Variants in KCNIP4 observed in about 807,000 individuals in gnomAD.
KCNIP4 encodes potassium voltage-gated channel interacting protein 4.
A neutral mutation model predicts 34.0 loss-of-function variants in KCNIP4; 12 were observed. The ratio of observed to expected loss-of-function variants is 0.35; its 90% CI spans 0.23 to 0.57. KCNIP4 has a LOEUF of 0.57. KCNIP4 is among the 20% of genes least tolerant of loss of function. The pLI is 0.83. For synonymous variants in KCNIP4, 124 were observed against 102.2 expected (o/e 1.21, Z -1.29); for missense variants, 238 against 311.7 (o/e 0.76, Z 1.78).
At chr4:20,916,821 T>C (rs1435136606) in intron 1 of KCNIP4, among the ~76,000 whole-genome samples, 3 of 151,474 alleles carry the variant, frequency 2.0e-5, no homozygotes, top group African/African-American at 7.3e-5. Context: ...TAATAACCTG[T>C]GATATGATTA....
intron 1 of KCNIP4, among the ~76,000 whole-genome samples, chr4:21,275,315 C>A (rs997300630): frequency 3.3e-5 from 5 of 152,172 alleles, no homozygotes; most frequent in African/African-American, 1.2e-4. Context: ...AGGTCACACA[C>A]CTGGGCATCA....
chr4:21,367,573 G>A (rs1016100537), intron 1 of KCNIP4, among the ~76,000 whole-genome samples: 1 of 146,494 alleles, frequency 6.8e-6, no homozygotes, highest in Non-Finnish European at 1.5e-5. Flanking sequence ...TTTATATTGA[G>A]AAGAATTTTA....
intron 1 of KCNIP4, among the ~76,000 whole-genome samples, chr4:21,214,859 T>G (rs1281828996): frequency 6.6e-6 from 1 of 152,200 alleles, no homozygotes; most frequent in African/African-American, 2.4e-5. Flanking sequence ...TATCCTTTCT[T>G]GGGCTTCACA....
chr4:21,863,533 A>G (rs1231454907), intron 1 of KCNIP4, among the ~76,000 whole-genome samples: 1 of 152,134 alleles, frequency 6.6e-6, no homozygotes, highest in African/African-American at 2.4e-5. Flanking sequence ...GGGGGAAGGT[A>G]TTGCTTCTCT....
At chr4:20,951,002 T>C (rs1203673876) in intron 1 of KCNIP4, among the ~76,000 whole-genome samples, 2 of 152,136 alleles carry the variant, frequency 1.3e-5, no homozygotes, top group African/African-American at 4.8e-5. Flanking sequence ...TATTTGAAGA[T>C]GGAGTCTCTA....
chr4:21,901,128 T>C (rs1727681394), intron 1 of KCNIP4, among the ~76,000 whole-genome samples: 1 of 152,230 alleles, frequency 6.6e-6, no homozygotes, highest in Non-Finnish European at 1.5e-5. Context: ...AGCTGGAAAC[T>C]GCTTATGATA....
At chr4:20,935,853 C>A (rs1358617847) in intron 1 of KCNIP4, among the ~76,000 whole-genome samples, 1 of 151,588 alleles carries the variant, frequency 6.6e-6, no homozygotes, top group Admixed American at 6.6e-5. Flanking sequence ...CTATACTCAA[C>A]CAGCTTCTAC....
intron 1 of KCNIP4, among the ~76,000 whole-genome samples, chr4:21,424,242 A>C (rs1454146016): frequency 6.6e-6 from 1 of 152,078 alleles, no homozygotes; most frequent in Non-Finnish European, 1.5e-5. Flanking sequence ...TATCTGGACT[A>C]TCTGATCTTT....
intron 1 of KCNIP4, among the ~76,000 whole-genome samples, chr4:21,840,528 T>C (rs1005512811): frequency 9.9e-5 from 15 of 152,136 alleles, no homozygotes; most frequent in Non-Finnish European, 4.4e-5. Context: ...CACATCTGTG[T>C]TTTCTTCTGA....
At chr4:21,778,463 G>C (rs1246687061) in intron 1 of KCNIP4, among the ~76,000 whole-genome samples, 2 of 151,646 alleles carry the variant, frequency 1.3e-5, no homozygotes, top group Non-Finnish European at 2.9e-5. Flanking sequence ...TTGAACTCTT[G>C]GGTTGAACTC....
chr4:21,199,614 T>A (rs1756320889), intron 1 of KCNIP4, among the ~76,000 whole-genome samples: 1 of 152,244 alleles, frequency 6.6e-6, no homozygotes. Context: ...TGCCATTGCT[T>A]TTGGTGTTTT....
At chr4:21,205,973 C>T (rs911974892) in intron 1 of KCNIP4, among the ~76,000 whole-genome samples, 3 of 152,232 alleles carry the variant, frequency 2.0e-5, no homozygotes, top group Non-Finnish European at 4.4e-5. Context: ...CATTCAGGTT[C>T]TGCCTCTGTG....
At chr4:21,776,511 T>C (rs1719191192) in intron 1 of KCNIP4, among the ~76,000 whole-genome samples, 1 of 152,202 alleles carries the variant, frequency 6.6e-6, no homozygotes, top group Non-Finnish European at 1.5e-5. Context: ...CTGGCAACAC[T>C]GCAACCCACA....
intron 1 of KCNIP4, among the ~76,000 whole-genome samples, chr4:21,343,747 C>G (rs1373458753): frequency 6.6e-6 from 1 of 152,032 alleles, no homozygotes; most frequent in African/African-American, 2.4e-5. Context: ...TTTTAAAGGT[C>G]CCCTGTAGAT....
In KCNIP4 at chr4:20,729,310, T is replaced by C. The variant is rs1208458130; in HGVS notation, c.*772A>G. The stretch of plus-strand genomic sequence containing the variant: ...GTTTGATGCCTTCTTCAACTTCCAC[T>C]TAATGATTGATACTAATGATTGATA... On this transcript the variant is annotated 3_prime_UTR_variant, in exon 9 of 9. Transcript: ENST00000382152. 2.6e-5 allele frequency: 4 copies of C among 151,742 alleles called. No homozygotes were observed. Among genetic ancestry groups the C allele is most frequent in the African/African-American group, 9.7e-5 (4 of 41,382 alleles). 9.4% of individuals were successfully genotyped at this position (151,742 alleles called of 1,614,324 possible). A position where few individuals can be genotyped will look rare whatever the true frequency, so the allele number is the denominator to read the frequency against.
chr4:21,381,193 C>T (rs906776238), intron 1 of KCNIP4, among the ~76,000 whole-genome samples: 30 of 152,320 alleles, frequency 2.0e-4, no homozygotes, highest in Middle Eastern at 3.4e-3. Context: ...ACCCCACTGG[C>T]TTTATTGAAA....
At chr4:21,069,004 C>T (rs1182858996) in intron 1 of KCNIP4, among the ~76,000 whole-genome samples, 1 of 152,120 alleles carries the variant, frequency 6.6e-6, no homozygotes, top group Non-Finnish European at 1.5e-5. Flanking sequence ...GTTACTTAAC[C>T]TATCTGTGCC....
intron 1 of KCNIP4, among the ~76,000 whole-genome samples, chr4:21,190,424 C>T (rs1577859572): frequency 6.6e-6 from 1 of 151,308 alleles, no homozygotes; most frequent in African/African-American, 2.4e-5. Flanking sequence ...AGAGCACCGC[C>T]CAACAAGAAT....
At chr4:21,744,574 T>A (rs1163078489) in intron 1 of KCNIP4, among the ~76,000 whole-genome samples, 1 of 152,184 alleles carries the variant, frequency 6.6e-6, no homozygotes, top group African/African-American at 2.4e-5. Context: ...TTCCCTGAGC[T>A]TTCTCCTGGG....
Sources: allele counts gnomAD v4.1 joint callset (sites outside exome capture counted in the v4.1 genomes callset), GRCh38; gene constraint gnomAD v4.1.1; transcripts MANE v1.5; gene names NCBI Gene and HGNC (gene_info 2026-07-23, HGNC 2026-07-21).